The following UNC13C variants were observed in gnomAD, a reference collection of about 807,000 sequenced individuals.
UNC13C encodes the protein unc-13 homolog C.
UNC13C carries 174 observed loss-of-function variants against 245.4 expected under a neutral mutation model. That is an observed-to-expected ratio of 0.71 (90% CI 0.63 to 0.80). The LOEUF is 0.80. Ranked by LOEUF, UNC13C falls within the 30% of genes least tolerant of loss-of-function variation. The pLI is 0.00. For synonymous variants in UNC13C, 992 were observed against 895.1 expected (o/e 1.11, Z -1.93); for missense variants, 2,829 against 2,602.9 (o/e 1.09, Z -1.89).
At chr15:54,116,874 A>G (rs116774187) in intron 2 of UNC13C, among the ~76,000 whole-genome samples, 4,812 of 152,206 alleles carry the variant, frequency 0.032, 266 homozygotes, top group African/African-American at 0.11. Flanking sequence ...GGCTGTACTA[A>G]TTCACATTCT....
rs762859924 is a variant in UNC13C, at chr15:54,013,510, A to G, written c.607A>G (p.Met203Val). The G allele has an allele frequency of 6.8e-6, 11 of 1,613,948 alleles. No homozygotes were observed. In the Admixed American group the frequency reaches 1.0e-4, roughly 15 times the overall value. The change falls in exon 2 of 33, where the codon ATG becomes GTG. Residue 203 changes from methionine (M) to valine (V), a missense_variant. By Grantham distance (21) the Met-to-Val change is conservative. Transcript: ENST00000260323. ...CVSSDSELST[M>V]KKSWGIRSKS... is the part of the protein sequence containing the mutation. The stretch of plus-strand genomic sequence containing the variant: ...CTCCTCAGACTCAGAGTTAAGCACC[A>G]TGAAAAAATCCTGGGGAATAAGAAG...
At chr15:54,417,160 C>A in intron 19 of UNC13C, 1 of 350,874 alleles carries the variant, frequency 2.9e-6, no homozygotes, top group Non-Finnish European at 5.6e-6. Context: ...ATGACTTTTA[C>A]CAACATATCT....
intron 19 of UNC13C, among the ~76,000 whole-genome samples, chr15:54,466,249 T>A (rs1373600078): frequency 2.0e-5 from 3 of 151,856 alleles, no homozygotes; most frequent in Non-Finnish European, 4.4e-5. Context: ...AGAAATAACT[T>A]CTAGAGTTTG....
At chr15:53,869,338 G>A in the UNC13C span, among the ~76,000 whole-genome samples, 1 of 152,092 alleles carries the variant, frequency 6.6e-6, no homozygotes, top group Admixed American at 6.5e-5. Context: ...TCATACACAG[G>A]CATATACATT....
At chr15:54,436,949 A>G (rs1890254631) in intron 19 of UNC13C, among the ~76,000 whole-genome samples, 1 of 151,958 alleles carries the variant, frequency 6.6e-6, no homozygotes, top group African/African-American at 2.4e-5. Flanking sequence ...TACGTAACAA[A>G]ATGTTTTTAT....
chr15:54,333,988 C>A, intron 16 of UNC13C, 132 bp downstream of exon 16: 3 of 605,318 alleles, frequency 5.0e-6, no homozygotes, highest in Non-Finnish European at 8.8e-6. Flanking sequence ...CTATCTTTGC[C>A]TGAACTCGAT....
chr15:54,249,146 C>T (rs1417210939), intron 7 of UNC13C, among the ~76,000 whole-genome samples: 1 of 152,034 alleles, frequency 6.6e-6, no homozygotes, highest in Admixed American at 6.6e-5. Context: ...AGGAAGTCAC[C>T]TGCTTTGTGG....
At chr15:54,618,342 G>T (rs1380530592) in intron 30 of UNC13C, among the ~76,000 whole-genome samples, 1 of 152,140 alleles carries the variant, frequency 6.6e-6, no homozygotes, top group African/African-American at 2.4e-5. Flanking sequence ...CAAAGGGCAT[G>T]TTGTAGACAC....
intron 7 of UNC13C, among the ~76,000 whole-genome samples, chr15:54,239,275 T>C (rs1468434035): frequency 1.3e-5 from 2 of 152,194 alleles, no homozygotes; most frequent in African/African-American, 4.8e-5. Flanking sequence ...ATGTCAATCT[T>C]TCCTGGGTTT....
At chr15:54,049,681 C>T (rs563469671) in intron 2 of UNC13C, 85 of 215,836 alleles carry the variant, frequency 3.9e-4, no homozygotes, top group African/African-American at 1.9e-3. Context: ...CAGTTGACCA[C>T]GCAATATTAA....
chr15:54,006,527 T>G (rs1217983777), intron 1 of UNC13C, among the ~76,000 whole-genome samples: 1 of 152,246 alleles, frequency 6.6e-6, no homozygotes, highest in African/African-American at 2.4e-5. Flanking sequence ...CATTATTTAA[T>G]GTGTTACTGT....
chr15:54,512,339 C>T (rs1407287288), intron 24 of UNC13C: 1 of 455,736 alleles, frequency 2.2e-6, no homozygotes, highest in East Asian at 6.9e-5. Flanking sequence ...CTTGCAATTC[C>T]ATGAGCAGAA....
chr15:54,540,665 C>T (rs977415568), intron 26 of UNC13C, among the ~76,000 whole-genome samples: 1 of 152,128 alleles, frequency 6.6e-6, no homozygotes, highest in African/African-American at 2.4e-5. Context: ...CTAAATAAAA[C>T]ATCTTCCTTC....
chr15:53,903,930 T>C, the UNC13C span, among the ~76,000 whole-genome samples: 4 of 152,182 alleles, frequency 2.6e-5, no homozygotes, highest in African/African-American at 7.2e-5. Context: ...ATTTAGATCT[T>C]GGAAGAATAT....
intron 30 of UNC13C, among the ~76,000 whole-genome samples, chr15:54,613,979 C>A (rs1672929987): frequency 6.6e-6 from 1 of 151,934 alleles, no homozygotes; most frequent in Admixed American, 6.6e-5. Flanking sequence ...AGAACTCCAG[C>A]CCCATTTCCT....
intron 19 of UNC13C, among the ~76,000 whole-genome samples, chr15:54,461,258 G>A (rs1236344879): frequency 6.6e-6 from 1 of 152,080 alleles, no homozygotes; most frequent in African/African-American, 2.4e-5. Context: ...TTTTTTGAGT[G>A]CTGACATGAC....
chr15:53,978,295 A>C (rs1475267276), upstream of UNC13C, among the ~76,000 whole-genome samples: 1 of 152,072 alleles, frequency 6.6e-6, no homozygotes, highest in East Asian at 1.9e-4. Flanking sequence ...GGTGAAGGCC[A>C]CACCTGGCAG....
At chr15:54,090,462 A>T (rs760748720) in intron 2 of UNC13C, among the ~76,000 whole-genome samples, 14 of 152,168 alleles carry the variant, frequency 9.2e-5, no homozygotes, top group Non-Finnish European at 1.9e-4. Flanking sequence ...CCTCACAACC[A>T]TCTTATGACA....
rs367876354 is a variant in UNC13C, at chr15:54,467,709, C to T, written c.4934-26899C>T. ...TTGAGTTTGACTTTTTCAGATCCCA[C>T]GTCTAGGTGAGATCATATGGCATTT... On this transcript the variant is annotated intron_variant, in intron 19 of 32. Transcript: ENST00000260323. Among the ~76,000 whole-genome samples, 55 of 151,774 alleles carry T rather than the reference C, an allele frequency of 3.6e-4. 1 individual carries two copies. The highest frequency in any genetic ancestry group is 2.7e-3 in the Admixed American group (41 of 15,230).
Sources: gnomAD v4.1 joint callset for allele counts (sites outside exome capture counted in the v4.1 genomes callset) on GRCh38, gnomAD v4.1.1 for gene constraint, MANE v1.5 for transcripts, NCBI Gene and HGNC (gene_info 2026-07-23, HGNC 2026-07-21) for gene names.